Variants in MARK1 observed in about 807,000 individuals in gnomAD.
MARK1 encodes the protein serine/threonine-protein kinase MARK1.
In MARK1, 40 loss-of-function variants were observed where a neutral mutation model predicts 96.3. The ratio of observed to expected loss-of-function variants is 0.42; its 90% CI spans 0.32 to 0.54. The LOEUF is 0.54. MARK1 is among the 20% of genes least tolerant of loss of function. MARK1 has a pLI of 0.16. For synonymous variants in MARK1, 317 were observed against 341.2 expected, an observed-to-expected ratio of 0.93 and a Z score of 0.78; for missense variants, 719 against 984.6, an observed-to-expected ratio of 0.73 and a Z score of 3.61.
chr1:220,645,450 A>G (rs1304276743), intron 13 of MARK1, among the ~76,000 whole-genome samples: 2 of 152,210 alleles, frequency 1.3e-5, no homozygotes, highest in Non-Finnish European at 1.5e-5. Context: ...ATAGCCCAGG[A>G]CCAGATGGAT....
chr1:220,547,638 C>T (rs938285874), intron 1 of MARK1, among the ~76,000 whole-genome samples: 1 of 152,106 alleles, frequency 6.6e-6, no homozygotes, highest in Non-Finnish European at 1.5e-5. Flanking sequence ...GATCTCAGCT[C>T]ACTGCAAGCT....
rs558659246 is a variant in MARK1, at chr1:220,654,036, G to A, written c.1988+684G>A. ...CACTAAATGCCTACTTAAGCCCTGC[G>A]ACAGACAAAGCACTGTGTTAGGTGC... On this transcript the variant is annotated intron_variant, in intron 16 of 17. Coordinates refer to ENST00000366917, the MANE Select transcript of MARK1 (RefSeq NM_018650.5). This position sits in a 1 kb window ranked among gnomAD's most constrained non-coding sequence, Gnocchi z 4.0. Among the ~76,000 whole-genome samples, 15 of 152,310 alleles carry A rather than the reference G, an allele frequency of 9.8e-5. No homozygotes were observed. The highest frequency in any genetic ancestry group is 3.1e-4 in the African/African-American group (13 of 41,580).
intron 9 of MARK1, among the ~76,000 whole-genome samples, chr1:220,630,048 C>A (rs1174620539): frequency 6.6e-6 from 1 of 152,092 alleles, no homozygotes; most frequent in Non-Finnish European, 1.5e-5. Flanking sequence ...GCAGCTGCAC[C>A]ATTTTAGATT....
intron 6 of MARK1, among the ~76,000 whole-genome samples, chr1:220,610,204 G>A (rs112721811): frequency 9.9e-5 from 15 of 152,206 alleles, no homozygotes; most frequent in African/African-American, 3.6e-4. Flanking sequence ...TGTAGATTTG[G>A]TGTTTTCACA....
chr1:220,663,264 C>CT lies in MARK1; in HGVS notation c.*1100dup, dbSNP rs916055320. On this transcript the variant is annotated 3_prime_UTR_variant, in exon 18 of 18. Transcript: ENST00000366917. Reference sequence around the variant, plus strand: ...TATAACAGTATATGATTGATTTATGCTTATGTGGTTGTTCAGTTTGTTCCC... The same window carrying CT: ...TATAACAGTATATGATTGATTTATGCTTTATGTGGTTGTTCAGTTTGTTCCC... The CT allele has an allele frequency of 5.9e-5, 9 of 152,444 alleles. No individual in the cohort carries two copies. The highest frequency in any genetic ancestry group is 5.2e-4 in the Admixed American group (8 of 15,274). The allele number at this position is 152,444 out of a possible 1,614,324, so 9.4% of individuals were successfully genotyped here.
chr1:220,611,597 A>G (rs931644371), intron 6 of MARK1, among the ~76,000 whole-genome samples: 11 of 152,198 alleles, frequency 7.2e-5, no homozygotes, highest in Admixed American at 7.2e-4. Flanking sequence ...GAGATGAACC[A>G]GGTACCTCAG....
At chr1:220,576,055 T>C (rs1663823196) in intron 1 of MARK1, among the ~76,000 whole-genome samples, 1 of 2,490 alleles carries the variant, frequency 4.0e-4, no homozygotes, top group Non-Finnish European at 8.3e-4. Context: ...AATGTAAACA[T>C]GTCTGATAAG....
At chr1:220,545,937 G>A (rs77158704) in intron 1 of MARK1, among the ~76,000 whole-genome samples, 2,159 of 152,080 alleles carry the variant, frequency 0.014, 50 homozygotes, top group African/African-American at 0.048. Context: ...GCACAACTCC[G>A]AATTAGCAAA....
intron 3 of MARK1, among the ~76,000 whole-genome samples, chr1:220,585,285 T>C (rs932536238): frequency 1.3e-5 from 2 of 152,198 alleles, no homozygotes; most frequent in African/African-American, 2.4e-5. Flanking sequence ...GAGTATAACA[T>C]AAAATCATAG....
At chr1:220,532,539 C>T (rs1215622344) in intron 1 of MARK1, among the ~76,000 whole-genome samples, 1 of 152,070 alleles carries the variant, frequency 6.6e-6, no homozygotes, top group Non-Finnish European at 1.5e-5. Context: ...GTAGACATTA[C>T]GTATTACAAC....
At chr1:220,563,150 A>G (rs1558261128) in intron 1 of MARK1, among the ~76,000 whole-genome samples, 1 of 152,190 alleles carries the variant, frequency 6.6e-6, no homozygotes, top group South Asian at 2.1e-4. Context: ...GAAATAATGT[A>G]TCCCAAAGGC....
At chr1:220,642,231 A>G (rs74582781) in intron 13 of MARK1, among the ~76,000 whole-genome samples, 1 of 152,146 alleles carries the variant, frequency 6.6e-6, no homozygotes, top group Non-Finnish European at 1.5e-5. Flanking sequence ...TCTGCCTAAG[A>G]TGACCAAGTT....
intron 1 of MARK1, among the ~76,000 whole-genome samples, chr1:220,578,551 A>G (rs1180203178): frequency 1.3e-5 from 2 of 152,188 alleles, no homozygotes; most frequent in African/African-American, 4.8e-5. Context: ...AATGAATTAG[A>G]GGTATACTTG....
At chr1:220,542,649 T>C (rs1661224167) in intron 1 of MARK1, among the ~76,000 whole-genome samples, 1 of 152,232 alleles carries the variant, frequency 6.6e-6, no homozygotes. Flanking sequence ...AGTATTTGAC[T>C]CCAGGGTAAC....
At chr1:220,582,443 G>A (rs568983041) in intron 3 of MARK1, among the ~76,000 whole-genome samples, 3 of 152,276 alleles carry the variant, frequency 2.0e-5, no homozygotes, top group Admixed American at 6.5e-5. Context: ...AACCACAGTA[G>A]GACATATCTT....
At chr1:220,586,233 T>TCTCCTCTTCCCC (rs1320967549) in intron 3 of MARK1, among the ~76,000 whole-genome samples, 2 of 152,130 alleles carry the variant, frequency 1.3e-5, no homozygotes. Flanking sequence ...TTCTCTTCAC[T>TCTCCTCTTCCCC]CTCCTCTTCC....
At chr1:220,604,198 T>A (rs1214169098) in intron 6 of MARK1, 61 bp downstream of exon 6, 4 of 1,014,602 alleles carry the variant, frequency 3.9e-6, no homozygotes, top group Non-Finnish European at 6.0e-6. Context: ...CAATGGACAG[T>A]ATTACAAACT....
At chr1:220,569,962 A>T (rs975138374) in intron 1 of MARK1, among the ~76,000 whole-genome samples, 56 of 152,140 alleles carry the variant, frequency 3.7e-4, no homozygotes, top group Non-Finnish European at 1.0e-4. Context: ...TGAAGTTGAA[A>T]TAAGAAAAAT....
intron 12 of MARK1, 136 bp downstream of exon 12, chr1:220,635,665 A>G (rs773744200): frequency 2.5e-6 from 3 of 1,181,224 alleles, no homozygotes; most frequent in Non-Finnish European, 2.3e-6. Context: ...AATTATAAAT[A>G]TAATCCCTTT....
Sources: allele counts gnomAD v4.1 joint callset (sites outside exome capture counted in the v4.1 genomes callset), GRCh38; gene constraint gnomAD v4.1.1; non-coding constraint Gnocchi (gnomAD v3.1); transcripts MANE v1.5; gene names NCBI Gene and HGNC (gene_info 2026-07-23, HGNC 2026-07-21).